Variants in IPO7 observed in about 807,000 individuals in gnomAD.
The protein encoded by IPO7 is importin 7.
A neutral mutation model predicts 136.4 loss-of-function variants in IPO7; 13 were observed. That is an observed-to-expected ratio of 0.10 (90% confidence interval 0.06 to 0.15). IPO7 has a LOEUF of 0.15. Among genes scored for constraint, IPO7 ranks in the 10% least tolerant of loss-of-function variants. The pLI is 1.00. For missense variants in IPO7, 857 were observed against 1,240.6 expected (o/e 0.69, Z 4.65); for synonymous variants, 403 against 404.4 (o/e 1.00, Z 0.04).
chr11:9,397,341 A>AATATATATATATATATATATATAT (rs1398990687), intron 1 of IPO7, among the ~76,000 whole-genome samples: 1 of 10,762 alleles, frequency 9.3e-5, no homozygotes, highest in African/African-American at 2.5e-4. Flanking sequence ...TTTAAAAAAA[A>AATATATATATATATATATATATAT]ATATATATAT....
intron 20 of IPO7, among the ~76,000 whole-genome samples, chr11:9,437,161 G>A (rs1444022721): frequency 1.3e-5 from 2 of 150,952 alleles, no homozygotes; most frequent in Non-Finnish European, 1.5e-5. Flanking sequence ...TGCTGGGATC[G>A]CAGGCATGAG....
chr11:9,420,993 T>G (rs191569491), intron 8 of IPO7, among the ~76,000 whole-genome samples: 1 of 152,232 alleles, frequency 6.6e-6, no homozygotes, highest in Non-Finnish European at 1.5e-5. Flanking sequence ...TTTTTTTCTC[T>G]TGTTGCCCAG....
At chr11:9,418,939 T>C (rs1359041301) in intron 6 of IPO7, among the ~76,000 whole-genome samples, 1 of 152,210 alleles carries the variant, frequency 6.6e-6, no homozygotes, top group Non-Finnish European at 1.5e-5. Context: ...TGTATAGTGG[T>C]AGTTTATTAT....
intron 24 of IPO7, among the ~76,000 whole-genome samples, chr11:9,442,634 C>G (rs1855474530): frequency 6.6e-6 from 1 of 152,084 alleles, no homozygotes; most frequent in African/African-American, 2.4e-5. Context: ...AGGATGGTAT[C>G]AATCTCCTGA....
At chr11:9,437,677 C>T (rs1855398897) in intron 20 of IPO7, 77 bp from the exon 21 acceptor site, 1 of 1,080,404 alleles carries the variant, frequency 9.3e-7, no homozygotes, top group Non-Finnish European at 1.4e-6. Flanking sequence ...ATTGAGGCAA[C>T]AAAGAAGTTA....
At chr11:9,436,870 T>TATATATATATATA (rs1855383009) in intron 20 of IPO7, among the ~76,000 whole-genome samples, 1 of 12,950 alleles carries the variant, frequency 7.7e-5, no homozygotes, top group Admixed American at 1.5e-3. Flanking sequence ...ATATATATAT[T>TATATATATATATA]TTTTTTTTTT....
intron 14 of IPO7, 111 bp from the exon 15 acceptor site, chr11:9,429,563 A>G: frequency 4.3e-6 from 3 of 701,902 alleles, no homozygotes; most frequent in Non-Finnish European, 6.9e-6. Flanking sequence ...AACTTGGCAT[A>G]CTTCCTTTTT....
intron 8 of IPO7, among the ~76,000 whole-genome samples, chr11:9,421,027 C>G (rs892311122): frequency 3.9e-5 from 6 of 151,936 alleles, no homozygotes; most frequent in African/African-American, 1.5e-4. Flanking sequence ...GGCGTAATCT[C>G]GGCTCACTGC....
rs1854524294 is a variant in IPO7, at chr11:9,384,696, C to T, written c.-68C>T. 4 of 1,323,110 alleles carry T rather than the reference C, an allele frequency of 3.0e-6. No homozygotes were observed. Among genetic ancestry groups the T allele is most frequent in the Admixed American group, 4.3e-5 (2 of 46,548 alleles). The allele number at this position is 1,323,110 out of a possible 1,614,324, so 82.0% of individuals were successfully genotyped here. On this transcript the variant is annotated 5_prime_UTR_variant, in exon 1 of 25. Transcript: ENST00000379719. ...CTGCGGAGCGCGGCGGGTCCATGTG[C>T]GCAGTGAGTGGCGCTATTCCTGGCC...
chr11:9,396,750 G>A (rs1238952069), intron 1 of IPO7, among the ~76,000 whole-genome samples: 1 of 152,094 alleles, frequency 6.6e-6, no homozygotes, highest in Non-Finnish European at 1.5e-5. Flanking sequence ...ACATGTATCA[G>A]TATTTCATTT....
Position 9,434,036 on chromosome 11 carries a change from G to T in IPO7, c.2074+190G>T, listed in dbSNP as rs558619678. Among the ~76,000 whole-genome samples the T allele has an allele frequency of 3.3e-5, 5 of 150,736 alleles. No individual in the cohort carries two copies. The East Asian group carries it at 7.9e-4, about 24-fold the overall frequency. ...CCTCCTGGGTTCAAGTGATTCTCCT[G>T]CCTCAGCCTCCCAAGTAGCTGGGAT... On this transcript the variant is annotated intron_variant, in intron 18 of 24. Transcript: ENST00000379719.
At chr11:9,432,383 G>C (rs938147119) in intron 16 of IPO7, among the ~76,000 whole-genome samples, 1 of 151,962 alleles carries the variant, frequency 6.6e-6, no homozygotes. Flanking sequence ...TCTATTTTTA[G>C]TAGAGACAGG....
chr11:9,393,885 T>A (rs28463550), intron 1 of IPO7, among the ~76,000 whole-genome samples: 7,241 of 152,260 alleles, frequency 0.048, 241 homozygotes, highest in South Asian at 0.077. Context: ...TTTTTTTCTT[T>A]TAATTTTTTT....
chr11:9,437,734 C>A lies in IPO7; in HGVS notation c.2269-20C>A. The A allele has an allele frequency of 6.5e-7, 1 of 1,532,718 alleles. No homozygotes were observed. Among genetic ancestry groups the A allele is most frequent in the Non-Finnish European group, 9.0e-7 (1 of 1,109,672 alleles). 94.9% of individuals were successfully genotyped at this position (1,532,718 alleles called of 1,614,324 possible). A position where few individuals can be genotyped will look rare whatever the true frequency, so the allele number is the denominator to read the frequency against. On this transcript the variant is annotated intron_variant, in intron 20 of 24. Transcript: ENST00000379719. Reference sequence around the variant, plus strand: ...GCTATTAATTATAGTCTTAGAATATCTTGCTATCTTTTTTTGTAGTGCATT... The same window carrying A: ...GCTATTAATTATAGTCTTAGAATATATTGCTATCTTTTTTTGTAGTGCATT...
chr11:9,397,365 T>TATATATATATATATATATATA (rs1564992067), intron 1 of IPO7, among the ~76,000 whole-genome samples: 19 of 94,742 alleles, frequency 2.0e-4, no homozygotes, highest in South Asian at 3.9e-4. Context: ...TATATATATA[T>TATATATATATATATATATATA]TAGTCGGGCA....
In IPO7 at chr11:9,437,750, G is replaced by A; in HGVS notation, c.2269-4G>A. 1 of 1,587,436 alleles carries A rather than the reference G, an allele frequency of 6.3e-7. No individual in the cohort carries two copies. The highest frequency in any genetic ancestry group is 8.6e-7 in the Non-Finnish European group (1 of 1,162,186). Reference sequence around the variant, plus strand: ...TTAGAATATCTTGCTATCTTTTTTTGTAGTGCATTCCCTTATTCGTGGAAG... The same window carrying A: ...TTAGAATATCTTGCTATCTTTTTTTATAGTGCATTCCCTTATTCGTGGAAG... On this transcript the variant is annotated splice_region_variant and splice_polypyrimidine_tract_variant and intron_variant, in intron 20 of 24. Coordinates refer to ENST00000379719, the MANE Select transcript of IPO7 (RefSeq NM_006391.3).
At chr11:9,391,258 G>A (rs1164562958) in intron 1 of IPO7, among the ~76,000 whole-genome samples, 1 of 151,978 alleles carries the variant, frequency 6.6e-6, no homozygotes, top group South Asian at 2.1e-4. Flanking sequence ...AATTAGCCGG[G>A]TGTGGTGGTG....
intron 1 of IPO7, among the ~76,000 whole-genome samples, chr11:9,388,859 G>T (rs904844201): frequency 6.6e-6 from 1 of 151,994 alleles, no homozygotes; most frequent in Admixed American, 6.6e-5. Flanking sequence ...GTGCTACCAC[G>T]CCTGGCCTAA....
chr11:9,398,923 G>A (rs73404392), intron 1 of IPO7, among the ~76,000 whole-genome samples: 2,800 of 152,242 alleles, frequency 0.018, 74 homozygotes, highest in African/African-American at 0.062. Context: ...TGAGTGGAGC[G>A]TGTTGAGAAA....
Sources: allele counts gnomAD v4.1 joint callset (sites outside exome capture counted in the v4.1 genomes callset), GRCh38; gene constraint gnomAD v4.1.1; transcripts MANE v1.5; gene names NCBI Gene and HGNC (gene_info 2026-07-23, HGNC 2026-07-21).